LUZP2: variants seen among roughly 807,000 people sequenced by gnomAD.
The protein encoded by LUZP2 is leucine zipper protein 2.
A neutral mutation model predicts 51.6 loss-of-function variants in LUZP2; 52 were observed. The ratio of observed to expected loss-of-function variants is 1.01; its 90% CI spans 0.81 to 1.27. The LOEUF (loss-of-function observed/expected upper bound fraction) is 1.27, where lower values mean the gene tolerates loss of function less well. LUZP2 is among the 50% of genes most tolerant of loss of function. LUZP2 has a pLI of 0.00. For synonymous variants in LUZP2, 154 were observed against 137.3 expected, an observed-to-expected ratio of 1.12 and a Z score of -0.85; for missense variants, 436 against 395.4, an observed-to-expected ratio of 1.10 and a Z score of -0.87.
At chr11:24,788,180 ATTTTTTTTTTTT>A (rs61308017) in intron 5 of LUZP2, among the ~76,000 whole-genome samples, 11 of 83,398 alleles carry the variant, frequency 1.3e-4, no homozygotes, top group South Asian at 5.2e-4. Context: ...TTTGTTTTTA[ATTTTTTTTTTTT>A]TTTTTTTTTT....
chr11:25,046,753 AATC>A (rs1858326276), intron 9 of LUZP2, among the ~76,000 whole-genome samples: 1 of 152,162 alleles, frequency 6.6e-6, no homozygotes. Context: ...AAATTTAAAA[AATC>A]ATCAACTATA....
intron 7 of LUZP2, among the ~76,000 whole-genome samples, chr11:24,939,386 A>T (rs1055775909): frequency 3.3e-5 from 5 of 152,128 alleles, no homozygotes; most frequent in Non-Finnish European, 7.4e-5. Flanking sequence ...TAAGAGTTTT[A>T]CAAGTATTTC....
At chr11:24,844,380 T>G (rs1351030629) in intron 5 of LUZP2, among the ~76,000 whole-genome samples, 1 of 152,070 alleles carries the variant, frequency 6.6e-6, no homozygotes, top group Non-Finnish European at 1.5e-5. Flanking sequence ...GCAGAAGAAA[T>G]TTGTAAGCAG....
chr11:25,023,891 A>T (rs1004257489), intron 9 of LUZP2, among the ~76,000 whole-genome samples: 2 of 152,032 alleles, frequency 1.3e-5, no homozygotes, highest in African/African-American at 2.4e-5. Flanking sequence ...TTCGTTATGT[A>T]CCCATTAGTC....
chr11:24,691,055 A>G (rs78005511), intron 1 of LUZP2, among the ~76,000 whole-genome samples: 3,519 of 152,110 alleles, frequency 0.023, 141 homozygotes, highest in African/African-American at 0.078. Context: ...AATTGTGTCA[A>G]TGGGAATGTC....
intron 1 of LUZP2, among the ~76,000 whole-genome samples, chr11:24,590,428 A>G (rs1023606346): frequency 6.6e-6 from 1 of 152,190 alleles, no homozygotes; most frequent in African/African-American, 2.4e-5. Flanking sequence ...GAGAACATTC[A>G]AAAGCCTCTC....
At chr11:24,880,738 A>ATGTGTGTGTGTGTGTGTATGTGTATG (rs1852434753) in intron 5 of LUZP2, among the ~76,000 whole-genome samples, 1 of 150,392 alleles carries the variant, frequency 6.6e-6, no homozygotes, top group Non-Finnish European at 1.5e-5. Flanking sequence ...ATGGTGAAGA[A>ATGTGTGTGTGTGTGTGTATGTGTATG]TGTGTGTGTG....
intron 1 of LUZP2, among the ~76,000 whole-genome samples, chr11:24,722,422 C>A (rs1242720034): frequency 6.6e-6 from 1 of 152,132 alleles, no homozygotes; most frequent in Non-Finnish European, 1.5e-5. Context: ...TCCATCAGAT[C>A]TCATGAGACT....
chr11:25,053,529 T>C (rs115214294), intron 10 of LUZP2, among the ~76,000 whole-genome samples: 2,228 of 141,316 alleles, frequency 0.016, 66 homozygotes, highest in African/African-American at 0.057. Flanking sequence ...CTCCCTAATA[T>C]GATCCCACAT....
intron 1 of LUZP2, among the ~76,000 whole-genome samples, chr11:24,695,122 C>T (rs1165086743): frequency 6.7e-6 from 1 of 148,804 alleles, no homozygotes. Context: ...TTCTCTATTT[C>T]AACATTGCCT....
chr11:24,911,636 C>T (rs1294418117), intron 6 of LUZP2, among the ~76,000 whole-genome samples: 2 of 152,140 alleles, frequency 1.3e-5, no homozygotes, highest in Non-Finnish European at 2.9e-5. Flanking sequence ...AACTCGGAGT[C>T]AATTAAGCTT....
intron 5 of LUZP2, among the ~76,000 whole-genome samples, chr11:24,819,727 C>G (rs540784291): frequency 6.6e-6 from 1 of 151,900 alleles, no homozygotes; most frequent in African/African-American, 2.4e-5. Flanking sequence ...ACACATTAAT[C>G]AAATAATTTT....
chr11:24,583,991 C>T (rs1053122029), intron 1 of LUZP2, among the ~76,000 whole-genome samples: 1 of 151,892 alleles, frequency 6.6e-6, no homozygotes, highest in Non-Finnish European at 1.5e-5. Context: ...AGATTACAGG[C>T]GTGAGCCACC....
At chr11:25,033,261 A>G (rs1437571281) in intron 9 of LUZP2, among the ~76,000 whole-genome samples, 1 of 152,190 alleles carries the variant, frequency 6.6e-6, no homozygotes, top group African/African-American at 2.4e-5. Flanking sequence ...AAAACTGTAT[A>G]TTAACCAGAT....
At chr11:24,764,490 T>TA (rs869045272) in intron 5 of LUZP2, among the ~76,000 whole-genome samples, 1,571 of 93,986 alleles carry the variant, frequency 0.017, 34 homozygotes, top group Middle Eastern at 0.026. Flanking sequence ...ATCTCATCTC[T>TA]AAAAAAAAAA....
At chr11:24,538,810 C>A (rs902635328) in intron 1 of LUZP2, among the ~76,000 whole-genome samples, 29 of 151,726 alleles carry the variant, frequency 1.9e-4, no homozygotes, top group African/African-American at 7.0e-4. Context: ...ATTAAATATT[C>A]ATTAGTGGAA....
intron 4 of LUZP2, among the ~76,000 whole-genome samples, chr11:24,750,053 T>C (rs1319568586): frequency 2.0e-5 from 3 of 152,214 alleles, no homozygotes; most frequent in Admixed American, 6.5e-5. Flanking sequence ...AAAAGAATTA[T>C]CTACTTGGAA....
intron 5 of LUZP2, among the ~76,000 whole-genome samples, chr11:24,851,075 T>G (rs528388772): frequency 1.3e-5 from 2 of 152,334 alleles, no homozygotes; most frequent in Admixed American, 6.5e-5. Context: ...CAATTTGACT[T>G]CCTCTCCTCC....
chr11:24,934,404 A>T lies in LUZP2; in HGVS notation c.522+19866A>T, dbSNP rs536810057. On this transcript the variant is annotated intron_variant, in intron 7 of 11. Transcript: ENST00000336930. ...CTGGCTATCTTTGGGCATAAAACACACTTGTTCCAAGTTTCTATTATTTCC... is the reference window on the plus strand; with the variant it reads ...CTGGCTATCTTTGGGCATAAAACACTCTTGTTCCAAGTTTCTATTATTTCC... Among the ~76,000 whole-genome samples, 8 of 152,280 alleles carry T rather than the reference A, an allele frequency of 5.3e-5. No individual in the cohort carries two copies. The South Asian group carries it at 1.7e-3, about 32-fold the overall frequency.
Sources: allele counts gnomAD v4.1 joint callset (sites outside exome capture counted in the v4.1 genomes callset), GRCh38; gene constraint gnomAD v4.1.1; transcripts MANE v1.5; gene names NCBI Gene and HGNC (gene_info 2026-07-23, HGNC 2026-07-21).